The following APC variants were observed in gnomAD, a reference collection of about 807,000 sequenced individuals.
APC encodes adenomatous polyposis coli protein.
In APC, 72 loss-of-function variants were observed where a neutral mutation model predicts 247.0. The observed-to-expected ratio is 0.29, with a 90% CI of 0.24 to 0.35. The LOEUF (loss-of-function observed/expected upper bound fraction) is 0.35. APC is among the 10% of genes least tolerant of loss of function. The probability of loss-of-function intolerance (pLI) is 1.00; values close to 1 mark genes in which losing one functional copy is unlikely to be tolerated. For missense variants in APC, 3,400 were observed against 3,360.7 expected (o/e 1.01, Z -0.29); for synonymous variants, 1,254 against 1,162.5 (o/e 1.08, Z -1.60).
intron 9 of APC, 139 bp from the exon 10 acceptor site, chr5:112,818,827 G>GTTTT: frequency 8.1e-6 from 7 of 868,584 alleles, no homozygotes; most frequent in East Asian, 2.9e-5. Context: ...AGGTTTTCCG[G>GTTTT]TTTTTTGTTT....
rs587781877 is a variant in APC, at chr5:112,840,041, C to T, written c.4447C>T (p.Pro1483Ser). The T allele has an allele frequency of 1.2e-6, 2 of 1,613,952 alleles. No individual in the cohort carries two copies. The highest frequency in any genetic ancestry group is 1.7e-6 in the Non-Finnish European group (2 of 1,180,006). ...TGCAGTTCAGAGGGTCCAGGTTCTT[C>T]CAGATGCTGATACTTTATTACATTT... ...NAAVQRVQVLPDADTLLHFAT... is the reference protein window; with the variant it reads ...NAAVQRVQVLSDADTLLHFAT... The change falls in exon 16 of 16, where the codon CCA becomes TCA. Residue 1483 changes from proline (P) to serine (S), a missense_variant. By Grantham distance (74) the Pro-to-Ser change is moderately conservative. This residue lies in a region of APC where 1,788 missense variants were observed against 1,649.5 expected (regional missense o/e 1.08). Transcript: ENST00000257430. The surrounding 1 kb of genome is among the most constrained non-coding windows in gnomAD (Gnocchi z 4.1).
At chr5:112,742,863 C>A (rs1366153006) in intron 1 of APC, among the ~76,000 whole-genome samples, 1 of 152,164 alleles carries the variant, frequency 6.6e-6, no homozygotes, top group Non-Finnish European at 1.5e-5. Context: ...ATTACATCGA[C>A]CAGTGAAACA....
intron 10 of APC, among the ~76,000 whole-genome samples, 193 bp downstream of exon 10, chr5:112,819,537 T>C (rs906468501): frequency 2.0e-5 from 3 of 152,188 alleles, no homozygotes; most frequent in Admixed American, 1.3e-4. Flanking sequence ...GAAAATGTTA[T>C]GTGCACTACT....
intron 8 of APC, among the ~76,000 whole-genome samples, chr5:112,803,721 A>G (rs1761077596): frequency 1.3e-5 from 2 of 152,338 alleles, no homozygotes; most frequent in Admixed American, 1.3e-4. Context: ...ATTGAAAAGG[A>G]CAGACAGTCC....
chr5:112,739,740 T>C (rs570515934), intron 1 of APC, among the ~76,000 whole-genome samples: 47 of 152,284 alleles, frequency 3.1e-4, no homozygotes, highest in Non-Finnish European at 6.5e-4. Flanking sequence ...TAAAATCTGA[T>C]GGAAACTATG....
chr5:112,769,211 C>T (rs1046314078), intron 4 of APC, among the ~76,000 whole-genome samples: 4 of 151,592 alleles, frequency 2.6e-5, no homozygotes, highest in South Asian at 4.2e-4. Flanking sequence ...CCACCGCGTC[C>T]GGCTAATTTT....
chr5:112,842,167 A>G lies in APC; in HGVS notation c.6573A>G (p.Gly2191=), dbSNP rs553815910. The change falls in exon 16 of 16, where the codon GGA becomes GGG. Residue 2191 remains glycine, a synonymous_variant. Coordinates refer to ENST00000257430, the MANE Select transcript of APC (RefSeq NM_000038.6). ...CTGAAAGTAAAGGAATCAAAGGAGG[A>G]AAAAAAGTTTATAAAAGTTTGATTA... The part of the protein sequence containing the change: ...IESESKGIKG[G]KKVYKSLITG... 8.1e-6 allele frequency: 13 copies of G among 1,612,486 alleles called. No homozygotes were observed. In the African/African-American group the frequency reaches 1.5e-4, roughly 18 times the overall value.
chr5:112,754,614 G>A (rs1314593190), intron 1 of APC, among the ~76,000 whole-genome samples: 3 of 152,288 alleles, frequency 2.0e-5, no homozygotes, highest in East Asian at 3.9e-4. Context: ...TAATCCATCT[G>A]TGAGAAGGCA....
At chr5:112,743,585 C>G (rs1189062643) in intron 1 of APC, among the ~76,000 whole-genome samples, 2 of 152,150 alleles carry the variant, frequency 1.3e-5, no homozygotes, top group African/African-American at 4.8e-5. Flanking sequence ...CAATTAGATT[C>G]TTGATTTTAT....
intron 4 of APC, among the ~76,000 whole-genome samples, chr5:112,772,260 C>G (rs1032179451): frequency 2.0e-5 from 3 of 152,138 alleles, no homozygotes; most frequent in Admixed American, 6.5e-5. Flanking sequence ...TCTGCCTGTT[C>G]TGAGTCTAGC....
intron 1 of APC, among the ~76,000 whole-genome samples, chr5:112,727,338 A>G (rs938847108): frequency 1.3e-5 from 2 of 152,190 alleles, no homozygotes; most frequent in African/African-American, 2.4e-5. Flanking sequence ...AGAAAATGGT[A>G]TAGCATTAGG....
Position 112,775,736 on chromosome 5 carries a change from A to C in APC, c.530A>C (p.Asn177Thr). 6.6e-7 allele frequency: 1 copy of C among 1,526,136 alleles called. No individual in the cohort carries two copies. Among genetic ancestry groups the C allele is most frequent in the Non-Finnish European group, 9.0e-7 (1 of 1,112,856 alleles). The allele number at this position is 1,526,136 out of a possible 1,614,324, so 94.5% of individuals were successfully genotyped here. Residue 177 changes from asparagine (N) to threonine (T), a missense_variant and splice_region_variant, in exon 5 of 16, where the codon AAT (asparagine) becomes ACT (threonine). Transcript: ENST00000257430. ...ATAGATAGTCTTCCTTTAACTGAAAATGTAAGTAACTTGGCAGTACAACTT... is the reference window on the plus strand; with the variant it reads ...ATAGATAGTCTTCCTTTAACTGAAACTGTAAGTAACTTGGCAGTACAACTT... Reference protein sequence around the residue: ...KRIDSLPLTENFSLQTDMTRR... With the variant: ...KRIDSLPLTETFSLQTDMTRR...
chr5:112,789,482 A>G (rs1316812587), intron 6 of APC, among the ~76,000 whole-genome samples: 4 of 152,238 alleles, frequency 2.6e-5, no homozygotes, highest in African/African-American at 4.8e-5. Flanking sequence ...ACATCAAGAC[A>G]TAGACATGAC....
rs758692443 is a variant in APC at position 112,844,127 on chromosome 5, A to AAG, written c.*6_*7dup. The stretch of plus-strand genomic sequence containing the variant: ...GTCTTACCTTGTGACATCTGTTTAA[A>AAG]AGAGAGGAAGAATGAAACTAAGAAA... On this transcript the variant is annotated 3_prime_UTR_variant, in exon 16 of 16. Coordinates refer to ENST00000257430, the MANE Select transcript of APC (RefSeq NM_000038.6). 1.2e-6 allele frequency: 2 copies of AAG among 1,608,270 alleles called. No homozygotes were observed. Among genetic ancestry groups the AAG allele is most frequent in the Admixed American group, 3.3e-5 (2 of 59,902 alleles).
At chr5:112,724,224 A>G (rs1751642728) in intron 1 of APC, among the ~76,000 whole-genome samples, 1 of 152,138 alleles carries the variant, frequency 6.6e-6, no homozygotes, top group Non-Finnish European at 1.5e-5. Context: ...TTGCTACTAG[A>G]TACCTGGGAC....
chr5:112,717,287 C>A (rs1300520451), intron 1 of APC, among the ~76,000 whole-genome samples: 4 of 152,158 alleles, frequency 2.6e-5, no homozygotes, highest in Admixed American at 2.6e-4. Context: ...CCGTGCCCAG[C>A]CCCTACTCAT....
chr5:112,780,711 G>A, intron 5 of APC, 79 bp from the exon 6 acceptor site: 1 of 974,990 alleles, frequency 1.0e-6, no homozygotes, highest in Non-Finnish European at 1.6e-6. Flanking sequence ...TTTCTTTATT[G>A]GTTCTTATAT....
At chr5:112,713,937 C>T (rs1401730647) in intron 1 of APC, among the ~76,000 whole-genome samples, 6 of 152,178 alleles carry the variant, frequency 3.9e-5, no homozygotes, top group South Asian at 2.1e-4. Context: ...GGATTATAGG[C>T]GTTAGCCACC....
rs141735723 is a variant in APC, at chr5:112,790,581, G to T, written c.646-1865G>T. On this transcript the variant is annotated intron_variant, in intron 6 of 15. Transcript: ENST00000257430. ...TCTGACCTAGTGATCCATCTGCCTC[G>T]GCCTCCTGAAGTGCTGGGATTGCAG... 7.9e-4 allele frequency among the ~76,000 whole-genome samples: 120 copies of T among 152,134 alleles called. 2 individuals carry two copies. In the East Asian group the frequency reaches 0.015, roughly 19 times the overall value.
Sources: allele counts gnomAD v4.1 joint callset (sites outside exome capture counted in the v4.1 genomes callset), GRCh38; gene constraint gnomAD v4.1.1; regional missense constraint gnomAD v4.1.1; non-coding constraint Gnocchi (gnomAD v3.1); transcripts MANE v1.5; gene names NCBI Gene and HGNC (gene_info 2026-07-23, HGNC 2026-07-21).